SLC16A7: variants seen among roughly 807,000 people sequenced by gnomAD.
SLC16A7 encodes solute carrier family 16 member 7.
In SLC16A7, 33 loss-of-function variants were observed where a neutral mutation model predicts 34.9. The ratio of observed to expected loss-of-function variants is 0.94; its 90% CI spans 0.72 to 1.26. The LOEUF is 1.26. Ranked by LOEUF, SLC16A7 falls within the 50% of genes most tolerant of loss-of-function variation. The pLI is 0.00. For synonymous variants in SLC16A7, 201 were observed against 206.6 expected, an observed-to-expected ratio of 0.97 and a Z score of 0.23; for missense variants, 573 against 578.1, an observed-to-expected ratio of 0.99 and a Z score of 0.09.
At chr12:59,617,291 A>C (rs1879496660) in intron 1 of SLC16A7, among the ~76,000 whole-genome samples, 1 of 151,980 alleles carries the variant, frequency 6.6e-6, no homozygotes, top group Non-Finnish European at 1.5e-5. Flanking sequence ...TACTCATAAA[A>C]TCCTACTTGA....
At chr12:59,624,854 A>G (rs1276236141) in intron 1 of SLC16A7, among the ~76,000 whole-genome samples, 1 of 151,502 alleles carries the variant, frequency 6.6e-6, no homozygotes, top group African/African-American at 2.4e-5. Flanking sequence ...AGCAGGGCAT[A>G]TCACCTTTTA....
intron 3 of SLC16A7, among the ~76,000 whole-genome samples, chr12:59,754,319 C>A (rs978804345): frequency 1.3e-5 from 2 of 151,912 alleles, no homozygotes; most frequent in African/African-American, 4.8e-5. Context: ...AATCCAGGAG[C>A]CGGTTTTTTG....
At chr12:59,606,554 T>G (rs1878949413) in intron 1 of SLC16A7, among the ~76,000 whole-genome samples, 1 of 152,160 alleles carries the variant, frequency 6.6e-6, no homozygotes, top group South Asian at 2.1e-4. Flanking sequence ...TAGATTATAT[T>G]CATTTACAGA....
At chr12:59,717,702 A>G (rs146341264) in intron 3 of SLC16A7, among the ~76,000 whole-genome samples, 1 of 152,212 alleles carries the variant, frequency 6.6e-6, no homozygotes, top group Non-Finnish European at 1.5e-5. Flanking sequence ...CTAACAAAAT[A>G]GTCTCACCTC....
In SLC16A7 at chr12:59,741,415, C is replaced by A. The variant is rs376025664; in HGVS notation, c.218-29804C>A. Among the ~76,000 whole-genome samples, 12 of 152,244 alleles carry A rather than the reference C, an allele frequency of 7.9e-5. No individual in the cohort carries two copies. In the East Asian group the frequency reaches 2.3e-3, roughly 29 times the overall value. On this transcript the variant is annotated intron_variant, in intron 3 of 5. Coordinates refer to ENST00000547379, the MANE Select transcript of SLC16A7 (RefSeq NM_001270623.2). ...TCCTGGACAGATGCCAGAAATTTCC[C>A]CTTCTTTGCTCTTAGTGCTGGTTAG...
intron 1 of SLC16A7, among the ~76,000 whole-genome samples, chr12:59,644,934 G>A (rs1306726302): frequency 6.6e-6 from 1 of 152,210 alleles, no homozygotes; most frequent in African/African-American, 2.4e-5. Flanking sequence ...GTATGTGAAA[G>A]ATAGAAGTTA....
At chr12:59,720,054 A>C (rs1318102553) in intron 3 of SLC16A7, 1 of 699,262 alleles carries the variant, frequency 1.4e-6, no homozygotes, top group South Asian at 1.5e-5. Flanking sequence ...CCTCATGACT[A>C]TACCTTTCTT....
intron 2 of SLC16A7, chr12:59,696,562 G>A (rs1040712920): frequency 6.6e-6 from 1 of 151,996 alleles, no homozygotes; most frequent in Non-Finnish European, 1.5e-5. Context: ...TCTTGGCTGT[G>A]CTTACAAGCT....
chr12:59,703,063 T>G (rs1004063830), intron 2 of SLC16A7, among the ~76,000 whole-genome samples: 3 of 152,120 alleles, frequency 2.0e-5, no homozygotes, highest in African/African-American at 7.2e-5. Flanking sequence ...ACACAGTATT[T>G]ATTGAGTGAG....
intron 3 of SLC16A7, among the ~76,000 whole-genome samples, chr12:59,708,148 C>G (rs1488948923): frequency 6.6e-6 from 1 of 151,960 alleles, no homozygotes; most frequent in African/African-American, 2.4e-5. Context: ...AACATAGTAA[C>G]TATTTAGAAC....
chr12:59,687,020 A>G (rs576833912), intron 2 of SLC16A7, among the ~76,000 whole-genome samples: 7 of 152,138 alleles, frequency 4.6e-5, no homozygotes, highest in African/African-American at 1.4e-4. Context: ...GTATACATAT[A>G]GCAAAACATT....
chr12:59,654,663 ATTAC>A (rs1167520373), intron 1 of SLC16A7, among the ~76,000 whole-genome samples: 2 of 151,244 alleles, frequency 1.3e-5, no homozygotes, highest in Admixed American at 6.6e-5. Context: ...ATTTCAAGAT[ATTAC>A]TTTATAAACA....
At chr12:59,696,040 T>C (rs1872248952) in intron 2 of SLC16A7, among the ~76,000 whole-genome samples, 1 of 151,948 alleles carries the variant, frequency 6.6e-6, no homozygotes, top group Non-Finnish European at 1.5e-5. Flanking sequence ...TTAATTTATT[T>C]AATTGAATTT....
chr12:59,688,447 T>A (rs1871321873), intron 2 of SLC16A7, among the ~76,000 whole-genome samples: 1 of 152,064 alleles, frequency 6.6e-6, no homozygotes, highest in South Asian at 2.1e-4. Flanking sequence ...AACAAGATAT[T>A]TGACATCTTT....
At chr12:59,660,982 A>T (rs1220111870) in intron 2 of SLC16A7, among the ~76,000 whole-genome samples, 1 of 152,164 alleles carries the variant, frequency 6.6e-6, no homozygotes, top group African/African-American at 2.4e-5. Flanking sequence ...AACACATTAA[A>T]ATACCTATTC....
At position 59,659,593 on chromosome 12, in the gene SLC16A7, T is replaced by A. The variant is rs184114042; in HGVS notation, c.-31+4343T>A. Among the ~76,000 whole-genome samples, 207 of 152,192 alleles carry A rather than the reference T, an allele frequency of 1.4e-3. 2 individuals carry two copies. Among genetic ancestry groups the A allele is most frequent in the Non-Finnish European group, 2.6e-3 (176 of 67,982 alleles). On this transcript the variant is annotated intron_variant, in intron 2 of 5. Transcript: ENST00000547379. ...TAATTAAAAACAAGGAAAAATATAT[T>A]CAGCTAGCCCCTTTGATTCATCTAT... is the stretch of plus-strand genomic sequence containing the variant.
In SLC16A7 at chr12:59,780,663, T is replaced by C. The variant is rs1442094734; in HGVS notation, c.*984T>C. The C allele has an allele frequency of 1.3e-5, 2 of 152,180 alleles. No homozygotes were observed. The highest frequency in any genetic ancestry group is 4.8e-5 in the African/African-American group (2 of 41,456). The allele number at this position is 152,180 out of a possible 1,614,324, so 9.4% of individuals were successfully genotyped here. On this transcript the variant is annotated 3_prime_UTR_variant, in exon 6 of 6. Transcript: ENST00000547379. ...AGGCATCAATCCAGATTCACTGTTA[T>C]ACTGAAATATCAAAGTAAAATCCTA...
chr12:59,601,649 A>G (rs1422658536), intron 1 of SLC16A7, among the ~76,000 whole-genome samples: 1 of 152,182 alleles, frequency 6.6e-6, no homozygotes, highest in Non-Finnish European at 1.5e-5. Flanking sequence ...CTATAGACAG[A>G]TTAGGTAGCT....
chr12:59,660,776 A>G (rs969471029), intron 2 of SLC16A7, among the ~76,000 whole-genome samples: 34 of 152,106 alleles, frequency 2.2e-4, no homozygotes, highest in African/African-American at 8.0e-4. Flanking sequence ...GTTTACCTTA[A>G]GTTTTATTTA....
Sources: gnomAD v4.1 joint callset for allele counts (sites outside exome capture counted in the v4.1 genomes callset) on GRCh38, gnomAD v4.1.1 for gene constraint, MANE v1.5 for transcripts, NCBI Gene and HGNC (gene_info 2026-07-23, HGNC 2026-07-21) for gene names.